The following GTPBP6 variants were observed in gnomAD, a reference collection of about 807,000 sequenced individuals.
GTPBP6 encodes GTP binding protein 6.
GTPBP6 carries 33 observed loss-of-function variants against 28.9 expected under a neutral mutation model. That is an observed-to-expected ratio of 1.14 (90% CI 0.87 to 1.53). GTPBP6 has a LOEUF of 1.53. Ranked by LOEUF, GTPBP6 falls within the 40% of genes most tolerant of loss-of-function variation. The probability of loss-of-function intolerance (pLI) is 0.00; values close to 1 mark genes in which losing one functional copy is unlikely to be tolerated. For missense variants in GTPBP6, 507 were observed against 408.3 expected (o/e 1.24, Z -2.08); for synonymous variants, 231 against 192.7 (o/e 1.20, Z -1.65).
intron 6 of GTPBP6, chrX:312,084 G>T (rs900952127): frequency 2.2e-6 from 1 of 453,162 alleles, no homozygotes; most frequent in Admixed American, 2.4e-5. Context: ...GAGAGGCGAT[G>T]GTGTAGACAG....
At position 316,272 on chromosome X, in the gene GTPBP6, C is replaced by CACAA. The variant is rs2070438362; in HGVS notation, c.487+641_487+642insTTGT. Among the ~76,000 whole-genome samples the CACAA allele has an allele frequency of 1.1e-4, 2 of 18,980 alleles. 1 individual carries two copies. The highest frequency in any genetic ancestry group is 2.9e-4 in the Non-Finnish European group (2 of 6,796). 12.5% of individuals were successfully genotyped at this position (18,980 alleles called of 152,430 possible). On this transcript the variant is annotated intron_variant, in intron 2 of 9. Coordinates refer to ENST00000326153, the Ensembl canonical transcript of GTPBP6. ...ACACGCAGACACACACACAGACACA[C>CACAA]ACACAGTAAATACATCCCGACAGGG...
exon 5 of GTPBP6, chrX:314,200 T>C (rs767654503): frequency 1.1e-5 from 18 of 1,613,304 alleles, no homozygotes; most frequent in Admixed American, 1.7e-5. Context: ...GTGGGCGACG[T>C]CCCTTTTCAA....
chrX:315,142 G>C, intron 3 of GTPBP6, 87 bp downstream of exon 3: 2 of 396,834 alleles, frequency 5.0e-6, no homozygotes, highest in Non-Finnish European at 8.9e-6. Context: ...GTCCCCATCT[G>C]TCCCCCGCCT....
At chrX:316,043 G>GACAC (rs1167000794) in intron 2 of GTPBP6, among the ~76,000 whole-genome samples, 2 of 13,996 alleles carry the variant, frequency 1.4e-4, no homozygotes, top group African/African-American at 7.7e-4. Context: ...GACAGGGACA[G>GACAC]ACACACACAC....
chrX:308,732 CTTTTT>C (rs1164566238), intron 7 of GTPBP6, among the ~76,000 whole-genome samples: 5 of 109,486 alleles, frequency 4.6e-5, no homozygotes, highest in African/African-American at 1.0e-4. Context: ...GAAAGTTTTA[CTTTTT>C]TTTTTTTTTT....
At chrX:314,719 GCC>G (rs1210855919) in intron 4 of GTPBP6, among the ~76,000 whole-genome samples, 169 bp downstream of exon 4, 2 of 151,906 alleles carry the variant, frequency 1.3e-5, no homozygotes, top group African/African-American at 4.8e-5. Flanking sequence ...CTCGTGATCC[GCC>G]CACCTCGGCC....
rs1332574531 is a variant in GTPBP6 at position 312,769 on chromosome X, A to C, written c.913T>G (p.Cys305Gly). Residue 305 changes from cysteine to glycine, a missense_variant, in exon 6 of 10, where the codon TGC (cysteine) becomes GGC (glycine). Cys to Gly is a radical substitution (Grantham distance 159, BLOSUM62 -3). Transcript: ENST00000326153. ...CCTCCCCTGGGCGCGTGCTCACCGC[A>C]GTTGGTGTACCCCACCACGGAGATC... 1.9e-6 allele frequency: 3 copies of C among 1,610,554 alleles called. No individual in the cohort carries two copies. In the Admixed American group the frequency reaches 5.0e-5, roughly 27 times the overall value.
Position 313,229 on chromosome X carries a change from C to T in GTPBP6, c.758-305G>A, listed in dbSNP as rs1002580836. ...CCGAGCGGGACACGGCCCAGGACGT[C>T]ATCGTGAGCGGGCTCAGTGGGGCCC... On this transcript the variant is annotated intron_variant, in intron 5 of 9. Coordinates refer to ENST00000326153, the Ensembl canonical transcript of GTPBP6. Among the ~76,000 whole-genome samples the T allele has an allele frequency of 1.1e-4, 16 of 152,268 alleles. 1 individual carries two copies. Among genetic ancestry groups the T allele is most frequent in the Admixed American group, 8.5e-4 (13 of 15,290 alleles).
intron 7 of GTPBP6, among the ~76,000 whole-genome samples, chrX:310,875 C>T (rs972301365): frequency 6.6e-5 from 10 of 152,152 alleles, no homozygotes; most frequent in African/African-American, 2.4e-4. Flanking sequence ...CGGTGTTCAT[C>T]GATCCTCAGG....
chrX:312,431 G>A (rs1201012816), intron 6 of GTPBP6: 1 of 547,808 alleles, frequency 1.8e-6, no homozygotes. Context: ...AGGGCAGTGG[G>A]GATGGTCTAG....
chrX:307,807 A>G (rs1190906288), exon 8 of GTPBP6: 8 of 1,555,318 alleles, frequency 5.1e-6, no homozygotes, highest in Non-Finnish European at 6.9e-6. Context: ...CAGGCCACGC[A>G]GCGTGGACAG....
intron 9 of GTPBP6, among the ~76,000 whole-genome samples, chrX:306,468 G>A (rs1323902463): frequency 2.1e-5 from 3 of 140,566 alleles, no homozygotes; most frequent in African/African-American, 9.1e-5. Flanking sequence ...AGTCAGAAAT[G>A]TACATTGAGT....
Position 315,272 on chromosome X carries a change from G to C in GTPBP6, c.515C>G (p.Thr172Arg), listed in dbSNP as rs1186685635. 2.3e-3 allele frequency: 913 copies of C among 398,554 alleles called. 8 individuals are homozygous for C. The highest frequency in any genetic ancestry group is 0.022 in the East Asian group (620 of 28,052). 24.7% of individuals were successfully genotyped at this position (398,554 alleles called of 1,614,324 possible). A position where few individuals can be genotyped will look rare whatever the true frequency, so the allele number is the denominator to read the frequency against. Residue 172 changes from threonine to arginine, a missense_variant, in exon 3 of 10, where the codon ACG (threonine) becomes AGG (arginine). Thr to Arg is a moderately conservative substitution (Grantham distance 71). Transcript: ENST00000326153. ...CCTCTCCACGTTCAGGAAGACGCAC[G>C]TGATGTCTGGAGACCCTCGGATCTT...
intron 9 of GTPBP6, among the ~76,000 whole-genome samples, chrX:305,706 C>A (rs1569345353): frequency 6.8e-6 from 1 of 147,700 alleles, no homozygotes; most frequent in Admixed American, 6.7e-5. Flanking sequence ...CTCACTGCAA[C>A]CTCGGCCTCC....
chrX:307,264 C>A, intron 9 of GTPBP6, 96 bp downstream of exon 9: 1 of 1,142,258 alleles, frequency 8.8e-7, no homozygotes, highest in Non-Finnish European at 1.3e-6. Context: ...TCTCGGGGAT[C>A]TCACAGCTCC....
exon 6 of GTPBP6, chrX:312,848 A>G (rs899921418): frequency 1.2e-6 from 2 of 1,612,742 alleles, no homozygotes; most frequent in African/African-American, 2.7e-5. Flanking sequence ...TCTTCTTGCG[A>G]AGCCTGTCCA....
chrX:314,969 C>T (rs1309189482), exon 4 of GTPBP6: 51 of 398,590 alleles, frequency 1.3e-4, no homozygotes, highest in South Asian at 2.5e-4. Context: ...ATGTGCAGGA[C>T]GACCGTGAAG....
intron 5 of GTPBP6, among the ~76,000 whole-genome samples, chrX:313,692 G>C (rs1454359457): frequency 6.6e-6 from 1 of 151,784 alleles, no homozygotes; most frequent in Non-Finnish European, 1.5e-5. Flanking sequence ...CAGACACAGA[G>C]GAGGAGGCCA....
chrX:317,029 G>A (rs1736066480), exon 2 of GTPBP6: 2 of 398,392 alleles, frequency 5.0e-6, no homozygotes, highest in African/African-American at 2.1e-5. Flanking sequence ...CCAGCGCTGT[G>A]GCCTCCGCCA....
Sources: gnomAD v4.1 joint callset for allele counts (sites outside exome capture counted in the v4.1 genomes callset) on GRCh38, gnomAD v4.1.1 for gene constraint, MANE v1.5 for transcripts, NCBI Gene and HGNC (gene_info 2026-07-23, HGNC 2026-07-21) for gene names.